CACNA1A: variants seen among roughly 807,000 people sequenced by gnomAD.
CACNA1A encodes voltage-dependent P/Q-type calcium channel subunit alpha-1A.
Under a neutral mutation model 262.4 loss-of-function variants are expected in CACNA1A, and 57 were observed. That is an observed-to-expected ratio of 0.22 (90% CI 0.18 to 0.27). The LOEUF (loss-of-function observed/expected upper bound fraction) is 0.27. CACNA1A is among the 10% of genes least tolerant of loss of function. CACNA1A has a pLI of 1.00. For missense variants in CACNA1A, 2,526 were observed against 3,562.8 expected (o/e 0.71, Z 7.41); for synonymous variants, 1,431 against 1,419.3 (o/e 1.01, Z -0.18).
rs767014803 is a variant in CACNA1A at position 13,236,157 on chromosome 19, C to T, written c.4951-427G>A. ...AACCAAATGCACTGAGACGAAAGGACACAAGCCGGTCAAGTTGCGGAATCT... is the reference window on the plus strand; with the variant it reads ...AACCAAATGCACTGAGACGAAAGGATACAAGCCGGTCAAGTTGCGGAATCT... On this transcript the variant is annotated intron_variant, in intron 31 of 46. Transcript: ENST00000360228. The surrounding 1 kb of genome is among the most constrained non-coding windows in gnomAD (Gnocchi z 4.6). Among the ~76,000 whole-genome samples, 1 of 150,648 alleles carries T rather than the reference C, an allele frequency of 6.6e-6. No individual in the cohort carries two copies. Among genetic ancestry groups the T allele is most frequent in the Non-Finnish European group, 1.5e-5 (1 of 67,886 alleles).
intron 1 of CACNA1A, among the ~76,000 whole-genome samples, chr19:13,461,280 C>T (rs1354450691): frequency 6.6e-6 from 1 of 152,134 alleles, no homozygotes; most frequent in East Asian, 1.9e-4. Flanking sequence ...GCAGAGTTTG[C>T]AGTGAGCCGA....
chr19:13,245,675 T>TC (rs1397901847), intron 30 of CACNA1A: 1 of 156,986 alleles, frequency 6.4e-6, no homozygotes, highest in African/African-American at 2.4e-5. Flanking sequence ...CTTTCTCTTT[T>TC]TTTTTTTTTT....
intron 35 of CACNA1A, 48 bp downstream of exon 35, chr19:13,231,662 G>A (rs1265355599): frequency 1.3e-6 from 2 of 1,573,580 alleles, no homozygotes; most frequent in East Asian, 2.3e-5. Context: ...CTGAAAGGAA[G>A]CCAGGCTTAG....
intron 18 of CACNA1A, among the ~76,000 whole-genome samples, chr19:13,299,778 C>G (rs2057750771): frequency 6.6e-6 from 1 of 152,152 alleles, no homozygotes; most frequent in African/African-American, 2.4e-5. Flanking sequence ...CTCCTTCAGG[C>G]CATGTAACCT....
intron 3 of CACNA1A, among the ~76,000 whole-genome samples, chr19:13,427,898 T>G (rs574798493): frequency 4.9e-4 from 75 of 152,282 alleles, no homozygotes; most frequent in African/African-American, 1.8e-3. Context: ...ACTTAACCTC[T>G]CTGGGCATCG....
Position 13,298,637 on chromosome 19 carries a change from C to A in CACNA1A, c.2996G>T (p.Gly999Val). The A allele has an allele frequency of 6.6e-7, 1 of 1,524,300 alleles. No individual in the cohort carries two copies. The highest frequency in any genetic ancestry group is 8.8e-7 in the Non-Finnish European group (1 of 1,135,380). The allele number at this position is 1,524,300 out of a possible 1,614,324, so 94.4% of individuals were successfully genotyped here. The change falls in exon 19 of 47, where the codon GGC becomes GTC. Residue 999 changes from glycine to valine, a missense_variant. By Grantham distance (109) the Gly-to-Val change is moderately radical. This residue lies in a region of CACNA1A where 765 missense variants were observed against 748.6 expected (regional missense o/e 1.02). Transcript: ENST00000360228. Reference protein sequence around the residue: ...GEGEGEGPDGGERRRRHRHGA... With the variant: ...GEGEGEGPDGVERRRRHRHGA... Reference sequence around the variant, plus strand: ...ATGCCGGTGCCTTCTCCTGCGCTCGCCCCCGTCGGGGCCCTCGCCCTCGCC... The same window carrying A: ...ATGCCGGTGCCTTCTCCTGCGCTCGACCCCGTCGGGGCCCTCGCCCTCGCC...
chr19:13,414,599 C>A (rs1038891819), intron 3 of CACNA1A, among the ~76,000 whole-genome samples: 1 of 152,132 alleles, frequency 6.6e-6, no homozygotes, highest in Admixed American at 6.5e-5. Context: ...CAAAGAAACA[C>A]AAGCCAAAAG....
At chr19:13,413,654 G>C (rs576710858) in intron 3 of CACNA1A, among the ~76,000 whole-genome samples, 45 of 148,508 alleles carry the variant, frequency 3.0e-4, no homozygotes, top group African/African-American at 1.1e-3. Context: ...TGAGGTGGGA[G>C]GATCACCTGA....
Position 13,298,529 on chromosome 19 carries a change from G to T in CACNA1A, c.3089+15C>A. The T allele has an allele frequency of 6.5e-7, 1 of 1,536,770 alleles. No homozygotes were observed. Among genetic ancestry groups the T allele is most frequent in the South Asian group, 1.2e-5 (1 of 83,522 alleles). ...GTTACCGTCATTCTGCGGATTCGAG[G>T]TCACCTCCACTTACTTCCTCCTCCG... is the stretch of plus-strand genomic sequence containing the variant. On this transcript the variant is annotated intron_variant, in intron 19 of 46. Transcript: ENST00000360228.
At chr19:13,251,254 C>T (rs934921409) in intron 30 of CACNA1A, among the ~76,000 whole-genome samples, 4 of 151,808 alleles carry the variant, frequency 2.6e-5, no homozygotes, top group African/African-American at 7.3e-5. Context: ...GAGGCCGAGG[C>T]GGGCGGATCA....
intron 5 of CACNA1A, chr19:13,362,864 A>C (rs2059134731): frequency 6.6e-6 from 1 of 152,348 alleles, no homozygotes; most frequent in African/African-American, 2.4e-5. Flanking sequence ...CCCGACACTG[A>C]GGAATGCTAC....
At chr19:13,208,608 A>AC (rs2054669049) in intron 46 of CACNA1A, 148 bp downstream of exon 46, 1 of 1,011,418 alleles carries the variant, frequency 9.9e-7, no homozygotes. Flanking sequence ...GCCGCCGGGC[A>AC]CCCCGGTGGC....
chr19:13,349,198 T>C (rs1023714554), intron 6 of CACNA1A, among the ~76,000 whole-genome samples: 4 of 151,800 alleles, frequency 2.6e-5, no homozygotes, highest in African/African-American at 9.7e-5. Context: ...GAAGATGGGG[T>C]TAAAAATATC....
chr19:13,290,173 A>G (rs1382618331), intron 19 of CACNA1A, among the ~76,000 whole-genome samples: 1 of 151,432 alleles, frequency 6.6e-6, no homozygotes, highest in Non-Finnish European at 1.5e-5. Flanking sequence ...TGGCTTCAAG[A>G]GATCCATTGG....
intron 3 of CACNA1A, 24 bp from the exon 4 acceptor site, chr19:13,371,803 A>T (rs1266834353): frequency 6.5e-7 from 1 of 1,529,680 alleles, no homozygotes; most frequent in Non-Finnish European, 8.9e-7. Context: ...GCCAGAATGG[A>T]GAACAGAGGG....
intron 23 of CACNA1A, among the ~76,000 whole-genome samples, chr19:13,276,506 C>T (rs900573524): frequency 5.9e-5 from 9 of 152,124 alleles, no homozygotes; most frequent in African/African-American, 1.2e-4. Flanking sequence ...CTGTGATCCC[C>T]GGCACAAGGT....
chr19:13,209,582 T>A, intron 44 of CACNA1A, 84 bp from the exon 45 acceptor site: 2 of 1,078,686 alleles, frequency 1.9e-6, no homozygotes, highest in Non-Finnish European at 2.4e-6. Flanking sequence ...TGTGGCAGCC[T>A]GGTGGTGGCC....
intron 1 of CACNA1A, among the ~76,000 whole-genome samples, chr19:13,458,065 A>C (rs976344308): frequency 6.6e-6 from 1 of 152,146 alleles, no homozygotes; most frequent in Non-Finnish European, 1.5e-5. Context: ...TGGCTGCTTA[A>C]TGTTTTAGAA....
At chr19:13,280,260 T>G (rs1476280048) in intron 22 of CACNA1A, among the ~76,000 whole-genome samples, 3 of 151,906 alleles carry the variant, frequency 2.0e-5, no homozygotes, top group Non-Finnish European at 4.4e-5. Flanking sequence ...ACTACAGCCT[T>G]GACCTTCCAG....
Sources: allele counts gnomAD v4.1 joint callset (sites outside exome capture counted in the v4.1 genomes callset), GRCh38; gene constraint gnomAD v4.1.1; regional missense constraint gnomAD v4.1.1; non-coding constraint Gnocchi (gnomAD v3.1); transcripts MANE v1.5; gene names NCBI Gene and HGNC (gene_info 2026-07-23, HGNC 2026-07-21).